Variants in ENTREP1 observed in about 807,000 individuals in gnomAD.
The protein encoded by ENTREP1 is Friedreich ataxia region gene X123.
chr9:69,379,808 G>A, the ENTREP1 span: 1 of 152,240 alleles, frequency 6.6e-6, no homozygotes, highest in Non-Finnish European at 1.5e-5. Flanking sequence ...AAGGGAAAGT[G>A]ACTCATGTGG....
the ENTREP1 span, among the ~76,000 whole-genome samples, chr9:69,368,805 T>C: frequency 6.6e-6 from 1 of 152,164 alleles, no homozygotes; most frequent in Non-Finnish European, 1.5e-5. Flanking sequence ...GAGATTTATA[T>C]TTAATTTTTA....
the ENTREP1 span, among the ~76,000 whole-genome samples, chr9:69,378,378 T>G: frequency 6.6e-6 from 1 of 152,228 alleles, no homozygotes; most frequent in East Asian, 1.9e-4. Flanking sequence ...AATTTTGACC[T>G]TCTTAAATAT....
the ENTREP1 span, among the ~76,000 whole-genome samples, chr9:69,368,480 C>A: frequency 1.3e-5 from 2 of 152,132 alleles, no homozygotes; most frequent in African/African-American, 4.8e-5. Flanking sequence ...GTTGATCTAT[C>A]CTTGCATGAA....
the ENTREP1 span, chr9:69,325,471 G>A: frequency 1.1e-6 from 1 of 936,426 alleles, no homozygotes; most frequent in East Asian, 1.2e-4. Flanking sequence ...AGCCCCCGTC[G>A]CGGCCTCGCT....
chr9:69,335,234 CAG>C, the ENTREP1 span, among the ~76,000 whole-genome samples: 2 of 152,258 alleles, frequency 1.3e-5, no homozygotes, highest in South Asian at 4.1e-4. Context: ...AGAGACAAGA[CAG>C]GAGTTCACAG....
chr9:69,336,389 A>G, the ENTREP1 span: 1 of 612,498 alleles, frequency 1.6e-6, no homozygotes, highest in Non-Finnish European at 2.9e-6. Context: ...TAAGTTAACA[A>G]TAGATAATAT....
chr9:69,367,604 T>TATATATATATACAAACATATATATAA, the ENTREP1 span, among the ~76,000 whole-genome samples: 1 of 134,890 alleles, frequency 7.4e-6, no homozygotes, highest in African/African-American at 2.8e-5. Flanking sequence ...GTGTTTTATA[T>TATATATATATACAAACATATATATAA]ATATATATAT....
the ENTREP1 span, among the ~76,000 whole-genome samples, chr9:69,370,151 A>G: frequency 6.6e-6 from 1 of 152,178 alleles, no homozygotes; most frequent in Non-Finnish European, 1.5e-5. Flanking sequence ...GATGGGCATT[A>G]TAACCACACT....
At chr9:69,325,214 C>T in the ENTREP1 span, 6 of 1,037,534 alleles carry the variant, frequency 5.8e-6, no homozygotes, top group Non-Finnish European at 3.5e-6. Flanking sequence ...AGCCCGTCTG[C>T]AGTGCCCAGT....
chr9:69,363,605 G>A, the ENTREP1 span, among the ~76,000 whole-genome samples: 5 of 152,160 alleles, frequency 3.3e-5, no homozygotes, highest in African/African-American at 2.4e-5. Flanking sequence ...GGGAGTCAGA[G>A]TCATGTACAG....
the ENTREP1 span, chr9:69,386,015 A>T: frequency 2.0e-6 from 3 of 1,485,438 alleles, no homozygotes; most frequent in Non-Finnish European, 2.7e-6. Context: ...AGGTGAAGGC[A>T]GGTGGCTCTG....
chr9:69,381,575 C>T, the ENTREP1 span: 1 of 152,060 alleles, frequency 6.6e-6, no homozygotes, highest in Non-Finnish European at 1.5e-5. Context: ...AGTTTCAGAA[C>T]CTCCCAAGGT....
At chr9:69,385,737 C>A in the ENTREP1 span, 2 of 1,449,848 alleles carry the variant, frequency 1.4e-6, no homozygotes, top group South Asian at 3.0e-5. Context: ...AGGACTGCAG[C>A]TGGTGAGATA....
chr9:69,340,669 G>GCA, the ENTREP1 span, among the ~76,000 whole-genome samples: 8 of 140,580 alleles, frequency 5.7e-5, no homozygotes, highest in African/African-American at 1.9e-4. Flanking sequence ...GTGTGTGCGT[G>GCA]TGTGTGTGCA....
the ENTREP1 span, among the ~76,000 whole-genome samples, chr9:69,358,156 C>T: frequency 6.6e-6 from 1 of 152,226 alleles, no homozygotes; most frequent in South Asian, 2.1e-4. Context: ...GTTCTTCCAC[C>T]CACCTACCAT....
At chr9:69,343,067 G>GTAAT in the ENTREP1 span, among the ~76,000 whole-genome samples, 1 of 152,210 alleles carries the variant, frequency 6.6e-6, no homozygotes, top group South Asian at 2.1e-4. Context: ...GTAGCAACAG[G>GTAAT]TAATTGCCAA....
the ENTREP1 span, among the ~76,000 whole-genome samples, chr9:69,367,247 A>G: frequency 6.6e-6 from 1 of 151,804 alleles, no homozygotes; most frequent in Non-Finnish European, 1.5e-5. Flanking sequence ...ATTTGTTTTT[A>G]TAGCAGTACC....
At chr9:69,362,850 T>C in the ENTREP1 span, among the ~76,000 whole-genome samples, 9 of 152,150 alleles carry the variant, frequency 5.9e-5, no homozygotes, top group African/African-American at 2.2e-4. Flanking sequence ...GCTGGATGCT[T>C]CCTGCCCTTG....
At chr9:69,356,444 C>G in the ENTREP1 span, among the ~76,000 whole-genome samples, 2 of 151,642 alleles carry the variant, frequency 1.3e-5, no homozygotes, top group Non-Finnish European at 2.9e-5. Context: ...GATTGCTGAC[C>G]CTGGTTTGCA....
Sources: gnomAD v4.1 joint callset for allele counts (sites outside exome capture counted in the v4.1 genomes callset) on GRCh38, gnomAD v4.1.1 for gene constraint, MANE v1.5 for transcripts, NCBI Gene and HGNC (gene_info 2026-07-23, HGNC 2026-07-21) for gene names.